The following CFAP251 variants were observed in gnomAD, a reference collection of about 807,000 sequenced individuals.
The protein encoded by CFAP251 is cilia and flagella associated protein 251.
CFAP251 carries 93 observed loss-of-function variants against 126.7 expected under a neutral mutation model. That is an observed-to-expected ratio of 0.73 (90% CI 0.62 to 0.87). The LOEUF is 0.87. Ranked by LOEUF, CFAP251 falls within the 40% of genes least tolerant of loss-of-function variation. CFAP251 has a pLI of 0.00. For synonymous variants in CFAP251, 503 were observed against 506.9 expected, an observed-to-expected ratio of 0.99 and a Z score of 0.10; for missense variants, 1,287 against 1,389.2, an observed-to-expected ratio of 0.93 and a Z score of 1.17.
intron 19 of CFAP251, among the ~76,000 whole-genome samples, chr12:121,977,932 C>T (rs950408879): frequency 6.6e-6 from 1 of 150,762 alleles, no homozygotes; most frequent in African/African-American, 2.4e-5. Context: ...GCACTCCAGC[C>T]TGGGTGACAG....
At chr12:121,983,522 C>T (rs1162540897) in intron 19 of CFAP251, among the ~76,000 whole-genome samples, 1 of 151,746 alleles carries the variant, frequency 6.6e-6, no homozygotes, top group East Asian at 1.9e-4. Context: ...AAAAGGTATC[C>T]GGAAAAAAAT....
intron 19 of CFAP251, among the ~76,000 whole-genome samples, chr12:121,979,215 G>A (rs1412721452): frequency 1.3e-5 from 2 of 152,206 alleles, no homozygotes; most frequent in African/African-American, 4.8e-5. Context: ...ACCAGGTACT[G>A]TTGTAAGCTC....
At chr12:121,965,379 G>A (rs1003979675) in intron 15 of CFAP251, among the ~76,000 whole-genome samples, 8 of 152,212 alleles carry the variant, frequency 5.3e-5, no homozygotes, top group South Asian at 2.1e-4. Context: ...AAAGCAATTT[G>A]TCACCCTCTA....
rs1565902622 is a variant in CFAP251 at position 121,928,654 on chromosome 12, ATACGTATATATATACG to A, written c.748-3089_748-3074del. Among the ~76,000 whole-genome samples, 24 of 32,662 alleles carry A rather than the reference ATACGTATATATATACG, an allele frequency of 7.3e-4. 1 individual carries two copies. Among genetic ancestry groups the A allele is most frequent in the African/African-American group, 1.4e-3 (24 of 17,560 alleles). 21.4% of individuals were successfully genotyped at this position (32,662 alleles called of 152,430 possible). The stretch of plus-strand genomic sequence containing the variant: ...TATATATACGTATATATATATATAT[ATACGTATATATATACG>A]TATATATATATATATATACGTATAT... On this transcript the variant is annotated intron_variant, in intron 3 of 21. Transcript: ENST00000288912.
At chr12:121,928,766 G>A (rs989738564) in intron 3 of CFAP251, among the ~76,000 whole-genome samples, 7 of 149,170 alleles carry the variant, frequency 4.7e-5, no homozygotes, top group Non-Finnish European at 7.4e-5. Context: ...TGACGATCTC[G>A]GCTCACAGCA....
At chr12:121,990,569 G>A (rs7296744) in intron 19 of CFAP251, among the ~76,000 whole-genome samples, 9,059 of 152,194 alleles carry the variant, frequency 0.06, 889 homozygotes, top group African/African-American at 0.2. Context: ...TCATGGCTCT[G>A]CAGTAGGCCC....
intron 12 of CFAP251, 141 bp from the exon 13 acceptor site, chr12:121,958,802 C>G: frequency 9.1e-7 from 1 of 1,099,790 alleles, no homozygotes; most frequent in Non-Finnish European, 1.3e-6. Context: ...GGAGATCACG[C>G]GTTTCGGTTC....
At chr12:121,977,116 CCTA>C (rs933017332) in intron 19 of CFAP251, among the ~76,000 whole-genome samples, 1 of 152,142 alleles carries the variant, frequency 6.6e-6, no homozygotes, top group African/African-American at 2.4e-5. Flanking sequence ...GATGGCAGAG[CCTA>C]CTACACGCCT....
At chr12:121,944,509 A>T (rs1288706862) in intron 7 of CFAP251, among the ~76,000 whole-genome samples, 2 of 152,220 alleles carry the variant, frequency 1.3e-5, no homozygotes, top group Non-Finnish European at 1.5e-5. Context: ...CTTCCAATCC[A>T]TGAGCATGGG....
At chr12:121,978,319 G>A (rs1284641014) in intron 19 of CFAP251, among the ~76,000 whole-genome samples, 44 of 141,006 alleles carry the variant, frequency 3.1e-4, no homozygotes, top group African/African-American at 8.9e-4. Context: ...GCGTGAACCC[G>A]GGAGGCGGAG....
At chr12:121,928,672 A>ATATATATATATATACG (rs1880541456) in intron 3 of CFAP251, among the ~76,000 whole-genome samples, 5 of 19,310 alleles carry the variant, frequency 2.6e-4, no homozygotes, top group South Asian at 1.4e-3. Context: ...ATATATACGT[A>ATATATATATATATACG]TATATATATA....
chr12:121,995,879 T>C (rs1485972499), intron 19 of CFAP251, among the ~76,000 whole-genome samples: 6 of 152,228 alleles, frequency 3.9e-5, no homozygotes, highest in African/African-American at 1.4e-4. Flanking sequence ...TGTAAAATTA[T>C]ACATATGATA....
In CFAP251 at chr12:121,962,052, C is replaced by G. The variant is rs537819709; in HGVS notation, c.2382C>G (p.Cys794Trp). Residue 794 changes from cysteine to tryptophan, a missense_variant, in exon 15 of 22, where the codon TGC (cysteine) becomes TGG (tryptophan). Physicochemically the swap from Cys to Trp is radical, Grantham distance 215. Transcript: ENST00000288912. ...VLDIHHTDQG[C>W]YPTCMVWYPP... ...ACATTCACCACACCGACCAGGGCTG[C>G]TATCCCACCTGCATGGTCTGGTACC... 6.2e-7 allele frequency: 1 copy of G among 1,614,032 alleles called. No homozygotes were observed. The highest frequency in any genetic ancestry group is 1.7e-5 in the Admixed American group (1 of 60,020).
chr12:121,976,838 G>A (rs966922850), intron 19 of CFAP251, among the ~76,000 whole-genome samples: 1 of 152,174 alleles, frequency 6.6e-6, no homozygotes, highest in Non-Finnish European at 1.5e-5. Flanking sequence ...GAGCCCCAGA[G>A]GTGGAGGCTT....
chr12:121,986,702 T>A (rs1330828973), intron 19 of CFAP251, among the ~76,000 whole-genome samples: 1 of 149,784 alleles, frequency 6.7e-6, no homozygotes, highest in Non-Finnish European at 1.5e-5. Flanking sequence ...AGGTCAAGGC[T>A]GCAGTGAGCC....
intron 3 of CFAP251, among the ~76,000 whole-genome samples, chr12:121,926,138 T>G (rs888758887): frequency 1.3e-5 from 2 of 150,960 alleles, no homozygotes; most frequent in African/African-American, 4.9e-5. Context: ...GTGCTGGGAT[T>G]ACAGGCGTGA....
intron 3 of CFAP251, among the ~76,000 whole-genome samples, chr12:121,927,768 G>A (rs1183241931): frequency 6.6e-6 from 1 of 152,092 alleles, no homozygotes. Context: ...GCCTGTACTA[G>A]CTCCCATTGT....
rs781742550 is a variant in CFAP251 at position 121,957,207 on chromosome 12, C to G, written c.1669C>G (p.Pro557Ala). 3.1e-6 allele frequency: 5 copies of G among 1,613,964 alleles called. No homozygotes were observed. Among genetic ancestry groups the G allele is most frequent in the African/African-American group, 1.3e-5 (1 of 74,914 alleles). Reference sequence around the variant, plus strand: ...CTTTTCAAAGACCCCAGCAACTCCTCCTACTGAAAAATCAAACTATCCTCC... The same window carrying G: ...CTTTTCAAAGACCCCAGCAACTCCTGCTACTGAAAAATCAAACTATCCTCC... ...LSFSKTPATP[P>A]TEKSNYPPDC... is the part of the protein sequence containing the mutation. Residue 557 changes from proline (P) to alanine (A), a missense_variant, in exon 11 of 22, where the codon CCT becomes GCT. Transcript: ENST00000288912.
intron 7 of CFAP251, among the ~76,000 whole-genome samples, chr12:121,946,404 A>G (rs941043998): frequency 1.9e-4 from 29 of 152,162 alleles, no homozygotes; most frequent in African/African-American, 7.0e-4. Context: ...GTGGTATAGA[A>G]TTCTAGAGTG....
Sources: gnomAD v4.1 joint callset for allele counts (sites outside exome capture counted in the v4.1 genomes callset) on GRCh38, gnomAD v4.1.1 for gene constraint, MANE v1.5 for transcripts, NCBI Gene and HGNC (gene_info 2026-07-23, HGNC 2026-07-21) for gene names.